ZFR: variants seen among roughly 807,000 people sequenced by gnomAD.
ZFR encodes zinc finger RNA binding protein.
A neutral mutation model predicts 130.7 loss-of-function variants in ZFR; 19 were observed. That is an observed-to-expected ratio of 0.15 (90% confidence interval 0.10 to 0.21). ZFR has a LOEUF of 0.21. ZFR is among the 10% of genes least tolerant of loss of function. The pLI is 1.00. For synonymous variants in ZFR, 466 were observed against 456.9 expected (o/e 1.02, Z -0.25); for missense variants, 872 against 1,321.5 (o/e 0.66, Z 5.27).
At chr5:32,414,109 C>T (rs1355894997) in intron 5 of ZFR, among the ~76,000 whole-genome samples, 2 of 152,212 alleles carry the variant, frequency 1.3e-5, no homozygotes, top group Non-Finnish European at 2.9e-5. Flanking sequence ...GCACACATGG[C>T]TTTACATACT....
chr5:32,355,374 T>G lies in ZFR; in HGVS notation c.*386A>C, dbSNP rs969235065. The G allele has an allele frequency of 2.6e-5, 4 of 154,506 alleles. No homozygotes were observed. Among genetic ancestry groups the G allele is most frequent in the African/African-American group, 9.6e-5 (4 of 41,518 alleles). 9.6% of individuals were successfully genotyped at this position (154,506 alleles called of 1,614,324 possible). On this transcript the variant is annotated 3_prime_UTR_variant, in exon 20 of 20. Transcript: ENST00000265069. ...AGTGTCAAAAAGCAAACAAAACCTC[T>G]AAATTAAAATATCAAAATACACAGA...
At position 32,444,214 on chromosome 5, in the gene ZFR, G is replaced by T. The variant is rs202170377; in HGVS notation, c.137+15C>A. The stretch of plus-strand genomic sequence containing the variant: ...AGAGCAAGGGGCGAACAGAGAGAAG[G>T]CAGGATGCCGTTACCTATATTGGGC... On this transcript the variant is annotated intron_variant, in intron 2 of 19. Coordinates refer to ENST00000265069, the MANE Select transcript of ZFR (RefSeq NM_016107.5). 5 of 1,595,732 alleles carry T rather than the reference G, an allele frequency of 3.1e-6. No homozygotes were observed. Among genetic ancestry groups the T allele is most frequent in the Non-Finnish European group, 4.3e-6 (5 of 1,172,704 alleles).
At chr5:32,435,037 G>A (rs1754303750) in intron 2 of ZFR, among the ~76,000 whole-genome samples, 1 of 152,082 alleles carries the variant, frequency 6.6e-6, no homozygotes, top group Admixed American at 6.6e-5. Flanking sequence ...TCCCACCTCA[G>A]CCTCTCGAGG....
intron 8 of ZFR, 24 bp from the exon 9 acceptor site, chr5:32,400,227 A>C (rs753189654): frequency 1.1e-5 from 17 of 1,518,566 alleles, no homozygotes; most frequent in Non-Finnish European, 3.5e-6. Context: ...AAAAAGTTAA[A>C]AAAAATTTTA....
At chr5:32,419,253 A>T (rs1291559462) in intron 3 of ZFR, among the ~76,000 whole-genome samples, 1 of 152,250 alleles carries the variant, frequency 6.6e-6, no homozygotes, top group Non-Finnish European at 1.5e-5. Flanking sequence ...AATTAATGTG[A>T]AAGTTTTTAA....
chr5:32,406,695 T>C, intron 6 of ZFR, 79 bp downstream of exon 6: 2 of 1,482,116 alleles, frequency 1.3e-6, no homozygotes, highest in Non-Finnish European at 1.8e-6. Flanking sequence ...TAAACCTCTT[T>C]TAGTAGGCTC....
intron 8 of ZFR, among the ~76,000 whole-genome samples, chr5:32,402,455 A>G (rs919996746): frequency 6.6e-6 from 1 of 152,142 alleles, no homozygotes; most frequent in Non-Finnish European, 1.5e-5. Flanking sequence ...AGGATTGGGT[A>G]GGAAGTACAG....
intron 19 of ZFR, among the ~76,000 whole-genome samples, chr5:32,361,605 G>A (rs535086119): frequency 6.7e-6 from 1 of 150,236 alleles, no homozygotes; most frequent in Admixed American, 6.6e-5. Context: ...TTCTTACTAA[G>A]CATCAGCCTA....
chr5:32,377,476 G>A (rs144888725), intron 17 of ZFR, among the ~76,000 whole-genome samples: 74 of 151,480 alleles, frequency 4.9e-4, no homozygotes, highest in African/African-American at 1.7e-3. Context: ...CACCGTGCCC[G>A]GCAAAATGTG....
intron 17 of ZFR, among the ~76,000 whole-genome samples, chr5:32,376,881 A>T (rs951822613): frequency 1.3e-5 from 2 of 150,326 alleles, no homozygotes. Context: ...TGGAAAACGG[A>T]GGCAGGAGAA....
In ZFR at chr5:32,413,597, G is replaced by A. The variant is rs565947526; in HGVS notation, c.784+1372C>T. On this transcript the variant is annotated intron_variant, in intron 5 of 19. Transcript: ENST00000265069. ...ACCAGAGAAAGAGAAAGGAAAGGAA[G>A]CACATATAAGAGAGAAACAATGAAC... 3.3e-5 allele frequency among the ~76,000 whole-genome samples: 5 copies of A among 152,142 alleles called. No individual in the cohort carries two copies. The East Asian group carries it at 9.7e-4, about 29-fold the overall frequency.
intron 17 of ZFR, among the ~76,000 whole-genome samples, chr5:32,366,522 C>T (rs968061452): frequency 6.6e-6 from 1 of 152,152 alleles, no homozygotes; most frequent in Non-Finnish European, 1.5e-5. Flanking sequence ...AAAGTCAATA[C>T]ACTTAAACAC....
At chr5:32,402,127 A>G (rs10063044) in intron 8 of ZFR, among the ~76,000 whole-genome samples, 25,634 of 152,152 alleles carry the variant, frequency 0.17, 2,867 homozygotes, top group African/African-American at 0.32. Flanking sequence ...CACTGCCCAC[A>G]TGGGAATGAA....
intron 2 of ZFR, among the ~76,000 whole-genome samples, chr5:32,426,748 A>G (rs1013526609): frequency 1.3e-5 from 2 of 152,144 alleles, no homozygotes; most frequent in African/African-American, 4.8e-5. Context: ...ATAAAACTAC[A>G]ATAAATTAGC....
intron 2 of ZFR, among the ~76,000 whole-genome samples, chr5:32,430,079 CAAAAAAAAA>C (rs56163955): frequency 1.4e-5 from 1 of 70,314 alleles, no homozygotes; most frequent in South Asian, 5.7e-4. Flanking sequence ...GACCCTATTT[CAAAAAAAAA>C]AAAAAAAAAA....
intron 14 of ZFR, among the ~76,000 whole-genome samples, chr5:32,385,897 A>G (rs4867437): frequency 0.95 from 144,857 of 152,010 alleles, 69,087 homozygotes; most frequent in African/African-American, 0.98. Flanking sequence ...ACATAGGTCT[A>G]TCTCTCTTAG....
rs1753585387 is a variant in ZFR at position 32,406,666 on chromosome 5, A to G, written c.1032+108T>C. 2.8e-6 allele frequency: 4 copies of G among 1,422,222 alleles called. No individual in the cohort carries two copies. In the East Asian group the frequency reaches 9.8e-5, roughly 35 times the overall value. 88.1% of individuals were successfully genotyped at this position (1,422,222 alleles called of 1,614,324 possible). A position where few individuals can be genotyped will look rare whatever the true frequency, so the allele number is the denominator to read the frequency against. On this transcript the variant is annotated intron_variant, in intron 6 of 19. Coordinates refer to ENST00000265069, the MANE Select transcript of ZFR (RefSeq NM_016107.5). ...GTAACTTAAAAAATGCACTGGCTAA[A>G]AGCTAACAGGAAAAAATGTAAACCT... is the stretch of plus-strand genomic sequence containing the variant.
intron 2 of ZFR, among the ~76,000 whole-genome samples, chr5:32,426,837 G>A (rs112834717): frequency 0.019 from 2,818 of 151,570 alleles, 86 homozygotes; most frequent in African/African-American, 0.066. Flanking sequence ...CCCAGGGGGC[G>A]GAGGTTGCAG....
At chr5:32,399,402 C>T (rs1363999244) in intron 9 of ZFR, among the ~76,000 whole-genome samples, 1 of 152,150 alleles carries the variant, frequency 6.6e-6, no homozygotes, top group African/African-American at 2.4e-5. Context: ...TTATAGATAT[C>T]GACACTGAAG....
Sources: allele counts gnomAD v4.1 joint callset (sites outside exome capture counted in the v4.1 genomes callset), GRCh38; gene constraint gnomAD v4.1.1; transcripts MANE v1.5; gene names NCBI Gene and HGNC (gene_info 2026-07-23, HGNC 2026-07-21).